The following LPP variants were observed in gnomAD, a reference collection of about 807,000 sequenced individuals.
LPP encodes the protein LIM domain containing preferred translocation partner in lipoma.
LPP carries 38 observed loss-of-function variants against 60.4 expected under a neutral mutation model. The observed-to-expected ratio is 0.63, with a 90% confidence interval of 0.49 to 0.83. LPP has a LOEUF of 0.83. Among genes scored for constraint, LPP ranks in the 40% least tolerant of loss-of-function variants. The probability of loss-of-function intolerance (pLI) is 0.00; values close to 1 mark genes in which losing one functional copy is unlikely to be tolerated. For missense variants in LPP, 902 were observed against 783.6 expected (o/e 1.15, Z -1.80); for synonymous variants, 328 against 290.8 (o/e 1.13, Z -1.30).
At chr3:188,215,579 G>T (rs1350272696) in intron 1 of LPP, among the ~76,000 whole-genome samples, 1 of 152,246 alleles carries the variant, frequency 6.6e-6, no homozygotes, top group East Asian at 1.9e-4. Context: ...TGTCCTTAAG[G>T]TTCATCCATG....
rs779620760 is a variant in LPP, at chr3:188,179,792, C to T, written c.-190+25540C>T. On this transcript the variant is annotated intron_variant, in intron 1 of 11. Coordinates refer to ENST00000617246, the MANE Select transcript of LPP (RefSeq NM_001375462.1). ...CTCTCCCCCTGAGTGAGCCTTTCTT[C>T]CTCTTCCTCCTCTTTCATTCAGCCT... 215 of 306,642 alleles carry T rather than the reference C, an allele frequency of 7.0e-4. 1 individual carries two copies. In the Middle Eastern group the frequency reaches 8.4e-3, roughly 12 times the overall value. 19.0% of individuals were successfully genotyped at this position (306,642 alleles called of 1,614,324 possible). A position where few individuals can be genotyped will look rare whatever the true frequency, so the allele number is the denominator to read the frequency against.
chr3:188,221,380 C>A (rs1308990052), intron 1 of LPP, among the ~76,000 whole-genome samples: 1 of 152,114 alleles, frequency 6.6e-6, no homozygotes, highest in African/African-American at 2.4e-5. Context: ...AGTGTGTCCC[C>A]CATTGAGGCT....
At chr3:188,744,761 G>A (rs1212245239) in intron 8 of LPP, among the ~76,000 whole-genome samples, 1 of 152,068 alleles carries the variant, frequency 6.6e-6, no homozygotes, top group Non-Finnish European at 1.5e-5. Context: ...TTGCTAAAAT[G>A]TATATATGGT....
intron 7 of LPP, among the ~76,000 whole-genome samples, chr3:188,703,189 T>C (rs1428001960): frequency 6.6e-6 from 1 of 152,212 alleles, no homozygotes; most frequent in African/African-American, 2.4e-5. Flanking sequence ...CTTCTACTTC[T>C]GAAGAAACGA....
intron 3 of LPP, among the ~76,000 whole-genome samples, chr3:188,386,142 T>C (rs894522806): frequency 7.9e-5 from 12 of 151,986 alleles, no homozygotes; most frequent in African/African-American, 2.9e-4. Flanking sequence ...CCCAAGGAAT[T>C]AGGAAGAAAG....
intron 2 of LPP, among the ~76,000 whole-genome samples, chr3:188,237,255 T>C (rs1373982667): frequency 1.3e-5 from 2 of 152,208 alleles, no homozygotes; most frequent in Non-Finnish European, 2.9e-5. Context: ...GTTCTCTTGC[T>C]ATTTTCACCA....
chr3:188,762,377 G>C (rs1732659330), intron 9 of LPP, among the ~76,000 whole-genome samples: 2 of 152,134 alleles, frequency 1.3e-5, no homozygotes, highest in African/African-American at 4.8e-5. Context: ...GTTATTCTGG[G>C]ATTAACTTTA....
Position 188,182,562 on chromosome 3 carries a change from G to A in LPP, c.-190+28310G>A, listed in dbSNP as rs1029330206. On this transcript the variant is annotated intron_variant, in intron 1 of 11. Coordinates refer to ENST00000617246, the MANE Select transcript of LPP (RefSeq NM_001375462.1). The surrounding 1 kb of genome is among the most constrained non-coding windows in gnomAD (Gnocchi z 4.4). ...GGAGTGGTTGTGATAGATAGAGGAGGGAGCAAATATTTAATTAGCACCTGC... is the reference window on the plus strand; with the variant it reads ...GGAGTGGTTGTGATAGATAGAGGAGAGAGCAAATATTTAATTAGCACCTGC... Among the ~76,000 whole-genome samples, 7 of 152,044 alleles carry A rather than the reference G, an allele frequency of 4.6e-5. No individual in the cohort carries two copies. Among genetic ancestry groups the A allele is most frequent in the African/African-American group, 1.7e-4 (7 of 41,374 alleles).
chr3:188,154,714 C>T (rs1715666541), intron 1 of LPP, among the ~76,000 whole-genome samples: 1 of 152,186 alleles, frequency 6.6e-6, no homozygotes, highest in Non-Finnish European at 1.5e-5. Context: ...TAGTTGGCTC[C>T]GGACTTAAGT....
chr3:188,612,407 T>C (rs1327817053), intron 7 of LPP, among the ~76,000 whole-genome samples: 3 of 152,238 alleles, frequency 2.0e-5, no homozygotes, highest in African/African-American at 7.2e-5. Flanking sequence ...ATTGTCCTTA[T>C]ATTGACTGTT....
At position 188,392,037 on chromosome 3, in the gene LPP, T is replaced by G. The variant is rs558544753; in HGVS notation, c.-9-14075T>G. On this transcript the variant is annotated intron_variant, in intron 3 of 11. Coordinates refer to ENST00000617246, the MANE Select transcript of LPP (RefSeq NM_001375462.1). ...GACAGCCTGTGCAATATGGGAAGTT[T>G]GAGTGTCGATCTACCATATCCACCA... Among the ~76,000 whole-genome samples, 7 of 152,360 alleles carry G rather than the reference T, an allele frequency of 4.6e-5. No individual in the cohort carries two copies. In the East Asian group the frequency reaches 1.4e-3, roughly 29 times the overall value.
Position 188,880,034 on chromosome 3 carries a change from C to CTTT in LPP, c.*5567_*5569dup, listed in dbSNP as rs71169024. 44 of 144,676 alleles carry CTTT rather than the reference C, an allele frequency of 3.0e-4. No homozygotes were observed. The highest frequency in any genetic ancestry group is 1.0e-3 in the East Asian group (7 of 6,926). 9.0% of individuals were successfully genotyped at this position (144,676 alleles called of 1,614,324 possible). ...AAAGATGCGTTTTTTTTCTTTTTTT[C>CTTT]TTTTTTTTTTTTTTGAGACGGAGTC... On this transcript the variant is annotated 3_prime_UTR_variant, in exon 12 of 12. Coordinates refer to ENST00000617246, the MANE Select transcript of LPP (RefSeq NM_001375462.1).
intron 3 of LPP, among the ~76,000 whole-genome samples, chr3:188,403,311 T>A (rs1468376815): frequency 6.6e-6 from 1 of 152,228 alleles, no homozygotes; most frequent in East Asian, 1.9e-4. Context: ...ATACAGTCAG[T>A]CAGTAACTTG....
At chr3:188,708,870 TTTTTTGTTTTTTGTTTTTG>T (rs1866023508) in intron 8 of LPP, 1 of 163,642 alleles carries the variant, frequency 6.1e-6, no homozygotes, top group Admixed American at 6.4e-5. Flanking sequence ...GAGACCCTGT[TTTTTTGTTTTTTGTTTTTG>T]TTTTTGTTTT....
At chr3:188,756,380 A>G (rs888985852) in intron 8 of LPP, among the ~76,000 whole-genome samples, 2 of 152,168 alleles carry the variant, frequency 1.3e-5, no homozygotes, top group African/African-American at 4.8e-5. Context: ...TCTTCACACC[A>G]GCCCTGGGTC....
At chr3:188,728,506 G>A (rs1719230600) in intron 8 of LPP, among the ~76,000 whole-genome samples, 1 of 152,142 alleles carries the variant, frequency 6.6e-6, no homozygotes, top group African/African-American at 2.4e-5. Flanking sequence ...CAACAAACCA[G>A]TTGACCAAGA....
At chr3:188,790,059 C>G (rs766303786) in intron 9 of LPP, among the ~76,000 whole-genome samples, 3 of 152,044 alleles carry the variant, frequency 2.0e-5, no homozygotes, top group African/African-American at 7.2e-5. Flanking sequence ...CGATTTCAGA[C>G]AGTAGGCGTA....
chr3:188,523,729 A>G (rs773061173), intron 5 of LPP, among the ~76,000 whole-genome samples: 1 of 152,176 alleles, frequency 6.6e-6, no homozygotes, highest in African/African-American at 2.4e-5. Flanking sequence ...GATTATTGTA[A>G]CTTTCCACTA....
At chr3:188,842,281 G>A (rs772457130) in intron 9 of LPP, among the ~76,000 whole-genome samples, 4 of 152,212 alleles carry the variant, frequency 2.6e-5, no homozygotes, top group Non-Finnish European at 5.9e-5. Context: ...GAGCAATGAT[G>A]TTAAGCAGCT....
Sources: gnomAD v4.1 joint callset for allele counts (sites outside exome capture counted in the v4.1 genomes callset) on GRCh38, gnomAD v4.1.1 for gene constraint, Gnocchi (gnomAD v3.1) non-coding constraint, MANE v1.5 for transcripts, NCBI Gene and HGNC (gene_info 2026-07-23, HGNC 2026-07-21) for gene names.